The following NKAIN3 variants were observed in gnomAD, a reference collection of about 807,000 sequenced individuals.
NKAIN3 encodes the protein sodium/potassium-transporting ATPase subunit beta-1-interacting protein 3.
A neutral mutation model predicts 30.2 loss-of-function variants in NKAIN3; 25 were observed. The observed-to-expected ratio is 0.83, with a 90% confidence interval of 0.60 to 1.16. The LOEUF is 1.16. Ranked by LOEUF, NKAIN3 falls within the 50% of genes most tolerant of loss-of-function variation. The pLI, the probability that NKAIN3 is intolerant of heterozygous loss-of-function variation, is 0.00. For missense variants in NKAIN3, 225 were observed against 254.1 expected (o/e 0.89, Z 0.78); for synonymous variants, 91 against 89.6 (o/e 1.02, Z -0.09).
At chr8:62,428,140 A>G (rs943738940) in intron 1 of NKAIN3, among the ~76,000 whole-genome samples, 1 of 151,938 alleles carries the variant, frequency 6.6e-6, no homozygotes, top group Non-Finnish European at 1.5e-5. Context: ...AACGTCCTAC[A>G]GTTTCATCCA....
At chr8:62,450,087 A>T (rs559151030) in intron 1 of NKAIN3, among the ~76,000 whole-genome samples, 1 of 152,214 alleles carries the variant, frequency 6.6e-6, no homozygotes, top group African/African-American at 2.4e-5. Flanking sequence ...ATACATAAGG[A>T]TATTGGCAAG....
At chr8:62,916,311 G>C (rs1822101666) in intron 4 of NKAIN3, among the ~76,000 whole-genome samples, 1 of 152,136 alleles carries the variant, frequency 6.6e-6, no homozygotes, top group Non-Finnish European at 1.5e-5. Flanking sequence ...AATTTATGTA[G>C]TCATTAATAA....
chr8:62,595,375 C>CTTTTTT (rs1585989665), intron 3 of NKAIN3, among the ~76,000 whole-genome samples: 1 of 92,148 alleles, frequency 1.1e-5, no homozygotes, highest in African/African-American at 4.0e-5. Context: ...TTTTTTGGGG[C>CTTTTTT]TATTTTCTTT....
intron 1 of NKAIN3, among the ~76,000 whole-genome samples, chr8:62,366,880 G>A (rs1191272528): frequency 6.6e-6 from 1 of 151,944 alleles, no homozygotes; most frequent in African/African-American, 2.4e-5. Context: ...ATAAGTTTTG[G>A]TGTGTAATAT....
Position 62,287,056 on chromosome 8 carries a change from C to T in NKAIN3, c.54+37929C>T, listed in dbSNP as rs534456796. On this transcript the variant is annotated intron_variant, in intron 1 of 6. Transcript: ENST00000623646. ...CCCTCATACTACTATCTGCATGGCT[C>T]AGACAATGGGACATTCCTTTATATC... 2.0e-5 allele frequency among the ~76,000 whole-genome samples: 3 copies of T among 150,382 alleles called. No individual in the cohort carries two copies. The South Asian group carries it at 6.4e-4, about 32-fold the overall frequency.
At chr8:62,395,084 C>T (rs1372422967) in intron 1 of NKAIN3, among the ~76,000 whole-genome samples, 3 of 151,328 alleles carry the variant, frequency 2.0e-5, no homozygotes, top group Non-Finnish European at 4.4e-5. Context: ...CAGAGGCGCT[C>T]ATCACTTCTC....
chr8:62,514,737 C>T, intron 1 of NKAIN3, among the ~76,000 whole-genome samples: 1 of 152,084 alleles, frequency 6.6e-6, no homozygotes, highest in East Asian at 1.9e-4. Context: ...TGTTAATACA[C>T]CTAAAAGCAA....
intron 1 of NKAIN3, among the ~76,000 whole-genome samples, chr8:62,297,651 A>G (rs1207222902): frequency 1.3e-5 from 2 of 151,924 alleles, no homozygotes; most frequent in Admixed American, 6.6e-5. Context: ...TAGAATGGCA[A>G]TCATTAAAAA....
chr8:62,646,860 A>G (rs1425935718), intron 3 of NKAIN3, among the ~76,000 whole-genome samples: 1 of 152,164 alleles, frequency 6.6e-6, no homozygotes, highest in Non-Finnish European at 1.5e-5. Flanking sequence ...TAAAAACTCC[A>G]AGATAGACAA....
chr8:62,523,521 A>C (rs894311368), intron 1 of NKAIN3, among the ~76,000 whole-genome samples: 3 of 152,190 alleles, frequency 2.0e-5, no homozygotes, highest in African/African-American at 7.2e-5. Context: ...AAAGTGAATG[A>C]CTAGGCAAAC....
chr8:62,552,952 A>T (rs78075653), intron 1 of NKAIN3, among the ~76,000 whole-genome samples: 2,562 of 152,304 alleles, frequency 0.017, 75 homozygotes, highest in African/African-American at 0.058. Flanking sequence ...AGAGATGGCT[A>T]TAAGAAGAAA....
At chr8:62,826,284 TTG>T (rs144596995) in intron 4 of NKAIN3, among the ~76,000 whole-genome samples, 1 of 148,670 alleles carries the variant, frequency 6.7e-6, no homozygotes, top group Non-Finnish European at 1.5e-5. Flanking sequence ...GTGTGAGTGT[TTG>T]TGTGTGTGTG....
intron 3 of NKAIN3, among the ~76,000 whole-genome samples, chr8:62,644,121 C>G (rs1246118716): frequency 6.6e-6 from 1 of 152,044 alleles, no homozygotes; most frequent in Non-Finnish European, 1.5e-5. Flanking sequence ...TGCTGGGGTC[C>G]CTTGACTTCA....
intron 4 of NKAIN3, among the ~76,000 whole-genome samples, chr8:62,905,301 G>T (rs919150330): frequency 6.6e-6 from 1 of 152,144 alleles, no homozygotes; most frequent in African/African-American, 2.4e-5. Flanking sequence ...CTTGGAGCCA[G>T]GCTGAAGCAG....
At chr8:62,346,346 T>C (rs1388632420) in intron 1 of NKAIN3, among the ~76,000 whole-genome samples, 1 of 152,094 alleles carries the variant, frequency 6.6e-6, no homozygotes, top group Non-Finnish European at 1.5e-5. Context: ...ATATGTACAC[T>C]TATGATGCCA....
chr8:62,268,190 C>T (rs1235102666), intron 1 of NKAIN3, among the ~76,000 whole-genome samples: 2 of 152,186 alleles, frequency 1.3e-5, no homozygotes, highest in East Asian at 3.9e-4. Context: ...AATATGCCGT[C>T]AGCAGTTACA....
chr8:62,849,527 C>A (rs1227699097), intron 4 of NKAIN3, among the ~76,000 whole-genome samples: 1 of 151,474 alleles, frequency 6.6e-6, no homozygotes, highest in Non-Finnish European at 1.5e-5. Flanking sequence ...TATACATGTG[C>A]CATGTTGGTG....
At chr8:62,306,909 G>A (rs1232997437) in intron 1 of NKAIN3, among the ~76,000 whole-genome samples, 1 of 149,798 alleles carries the variant, frequency 6.7e-6, no homozygotes, top group East Asian at 1.9e-4. Context: ...GTGTCCATAG[G>A]GGAAAGCATA....
At chr8:62,262,723 G>A (rs546171253) in intron 1 of NKAIN3, among the ~76,000 whole-genome samples, 3 of 152,152 alleles carry the variant, frequency 2.0e-5, no homozygotes, top group Admixed American at 6.5e-5. Flanking sequence ...TGCTCTTCCC[G>A]CACGTGGTTC....
Sources: allele counts gnomAD v4.1 joint callset (sites outside exome capture counted in the v4.1 genomes callset), GRCh38; gene constraint gnomAD v4.1.1; transcripts MANE v1.5; gene names NCBI Gene and HGNC (gene_info 2026-07-23, HGNC 2026-07-21).